The following ANKAR variants were observed in gnomAD, a reference collection of about 807,000 sequenced individuals.
ANKAR encodes ankyrin and armadillo repeat-containing protein.
ANKAR carries 136 observed loss-of-function variants against 146.2 expected under a neutral mutation model. The ratio of observed to expected loss-of-function variants is 0.93; its 90% confidence interval spans 0.81 to 1.07. ANKAR has a LOEUF of 1.07. ANKAR is among the 50% of genes least tolerant of loss of function. The pLI, the probability that ANKAR is intolerant of heterozygous loss-of-function variation, is 0.00. For synonymous variants in ANKAR, 500 were observed against 575.8 expected, an observed-to-expected ratio of 0.87 and a Z score of 1.88; for missense variants, 1,567 against 1,679.9, an observed-to-expected ratio of 0.93 and a Z score of 1.18.
chr2:189,762,880 G>C, downstream of ANKAR: 1 of 985,432 alleles, frequency 1.0e-6, no homozygotes, highest in South Asian at 4.7e-5. Context: ...CTTAAAGGCC[G>C]TCTTTGCCCA....
intron 12 of ANKAR, among the ~76,000 whole-genome samples, chr2:189,722,645 G>A (rs1242828725): frequency 6.6e-6 from 1 of 152,082 alleles, no homozygotes; most frequent in South Asian, 2.1e-4. Flanking sequence ...CACTTTGGGA[G>A]GCCAAGGCGG....
rs746751627 is a variant in ANKAR at position 189,676,632 on chromosome 2, A to C, written c.142A>C (p.Thr48Pro). 1.2e-6 allele frequency: 2 copies of C among 1,614,130 alleles called. No homozygotes were observed. The part of the protein sequence containing the change: ...YDRSEIQELL[T>P]TALVSWLSAK... ...TCGGAGTGAAATACAAGAGTTACTA[A>C]CTACTGCACTAGTTAGCTGGTTGTC... Residue 48 changes from threonine to proline, a missense_variant, in exon 2 of 23, where the codon ACT becomes CCT. Physicochemically the swap from Thr to Pro is conservative, Grantham distance 38. Coordinates refer to ENST00000684021, the MANE Select transcript of ANKAR (RefSeq NM_001378068.1).
chr2:189,750,315 C>T (rs1188097574), downstream of ANKAR, among the ~76,000 whole-genome samples: 1 of 152,082 alleles, frequency 6.6e-6, no homozygotes, highest in East Asian at 1.9e-4. Context: ...TCCTTTCTAC[C>T]TGCCAGCATC....
At chr2:189,755,535 C>T in intron 18 of ANKAR, 1 of 1,600,218 alleles carries the variant, frequency 6.2e-7, no homozygotes, top group Non-Finnish European at 8.5e-7. Flanking sequence ...AGCTGTTGAG[C>T]TGCTGGAGGA....
chr2:189,754,993 G>A, intron 18 of ANKAR: 2 of 680,988 alleles, frequency 2.9e-6, no homozygotes, highest in Non-Finnish European at 4.7e-6. Context: ...ATTAAGAAAG[G>A]CTAAGAATTA....
In ANKAR at chr2:189,730,517, T is replaced by G. The variant is rs2042311222; in HGVS notation, c.3216T>G (p.Pro1072=). 1 of 1,603,380 alleles carries G rather than the reference T, an allele frequency of 6.2e-7. No homozygotes were observed. Among genetic ancestry groups the G allele is most frequent in the African/African-American group, 1.3e-5 (1 of 74,322 alleles). ...CAGGTGTAGCCCATACAAGCAATCC[T>G]GTCAGTCAACAATTGGTTGTAGATG... is the stretch of plus-strand genomic sequence containing the variant. The part of the protein sequence containing the change: ...ICIGVAHTSN[P]VSQQLVVDEN... Residue 1072 remains proline (P), a synonymous_variant, in exon 16 of 23, where the codon CCT becomes CCG. Coordinates refer to ENST00000684021, the MANE Select transcript of ANKAR (RefSeq NM_001378068.1).
At chr2:189,700,328 A>G (rs774769374) in intron 7 of ANKAR, among the ~76,000 whole-genome samples, 1 of 152,114 alleles carries the variant, frequency 6.6e-6, no homozygotes, top group Non-Finnish European at 1.5e-5. Context: ...ACTTGGGTAT[A>G]ATTCTTATTT....
chr2:189,734,423 A>G (rs1389577257), intron 17 of ANKAR, among the ~76,000 whole-genome samples: 8 of 152,226 alleles, frequency 5.3e-5, no homozygotes. Flanking sequence ...GTTTCTTTTC[A>G]ATGTTTATTC....
chr2:189,688,523 G>T (rs940982765), intron 2 of ANKAR, among the ~76,000 whole-genome samples: 2 of 152,078 alleles, frequency 1.3e-5, no homozygotes, highest in South Asian at 2.1e-4. Flanking sequence ...GATATGGATT[G>T]CAATGAATCT....
chr2:189,758,351 G>A (rs779671723), intron 18 of ANKAR, among the ~76,000 whole-genome samples: 11 of 151,838 alleles, frequency 7.2e-5, no homozygotes, highest in Non-Finnish European at 1.5e-4. Flanking sequence ...ATTGCACTCT[G>A]GTCTGGGCAA....
At position 189,728,352 on chromosome 2, in the gene ANKAR, C is replaced by T; in HGVS notation, c.2963C>T (p.Ala988Val). Residue 988 changes from alanine (A) to valine (V), a missense_variant, in exon 14 of 23, where the codon GCA becomes GTA. Coordinates refer to ENST00000684021, the MANE Select transcript of ANKAR (RefSeq NM_001378068.1). The stretch of plus-strand genomic sequence containing the variant: ...ACACTAAAACAACAAAAATATATGG[C>T]AGAACAAATTGGATACAGCTTTATA... ...GQTLKQQKYM[A>V]EQIGYSFIIN... The T allele has an allele frequency of 6.2e-7, 1 of 1,613,298 alleles. No individual in the cohort carries two copies. Among genetic ancestry groups the T allele is most frequent in the Admixed American group, 1.7e-5 (1 of 59,910 alleles).
intron 10 of ANKAR, among the ~76,000 whole-genome samples, chr2:189,712,593 T>A (rs2039861006): frequency 6.6e-6 from 1 of 152,206 alleles, no homozygotes; most frequent in African/African-American, 2.4e-5. Context: ...AAAAAGGACA[T>A]CTACACCAAA....
At chr2:189,680,353 T>C (rs1240983363) in intron 2 of ANKAR, among the ~76,000 whole-genome samples, 1 of 152,178 alleles carries the variant, frequency 6.6e-6, no homozygotes, top group African/African-American at 2.4e-5. Context: ...TTAATCTAGT[T>C]AATGGTGAAT....
chr2:189,727,176 TACCAAAA>T (rs2041967143), intron 12 of ANKAR, among the ~76,000 whole-genome samples: 1 of 152,122 alleles, frequency 6.6e-6, no homozygotes, highest in African/African-American at 2.4e-5. Context: ...GAATCACCAG[TACCAAAA>T]ATACAAAACA....
At chr2:189,680,544 G>C (rs2034492202) in intron 2 of ANKAR, among the ~76,000 whole-genome samples, 1 of 151,566 alleles carries the variant, frequency 6.6e-6, no homozygotes, top group Non-Finnish European at 1.5e-5. Flanking sequence ...GTCTATTTGT[G>C]TTCTTTCAGA....
chr2:189,719,709 C>G lies in ANKAR; in HGVS notation c.2362C>G (p.Leu788Val). The change falls in exon 11 of 23, where the codon CTA becomes GTA. Residue 788 changes from leucine (L) to valine (V), a missense_variant. Transcript: ENST00000684021. The stretch of plus-strand genomic sequence containing the variant: ...GGTAGAAGCGGGAGGCATTCCATCT[C>G]TAATCAACCTACTGGTTTGTGATGA... The part of the protein sequence containing the change: ...ALVEAGGIPS[L>V]INLLVCDEPE... The G allele has an allele frequency of 1.2e-6, 2 of 1,614,164 alleles. No homozygotes were observed. The highest frequency in any genetic ancestry group is 1.7e-6 in the Non-Finnish European group (2 of 1,180,022).
intron 2 of ANKAR, among the ~76,000 whole-genome samples, chr2:189,689,325 G>A (rs1268489127): frequency 3.3e-5 from 5 of 152,098 alleles, no homozygotes; most frequent in African/African-American, 7.2e-5. Flanking sequence ...GTTTCTTTGG[G>A]GTCCCCTTGC....
intron 9 of ANKAR, among the ~76,000 whole-genome samples, chr2:189,709,409 C>T (rs550515129): frequency 2.0e-5 from 3 of 152,114 alleles, no homozygotes; most frequent in South Asian, 4.1e-4. Flanking sequence ...GAGTCCAAAC[C>T]GATTGTATAT....
intron 7 of ANKAR, 31 bp downstream of exon 7, chr2:189,696,400 G>A (rs1214567975): frequency 2.5e-6 from 4 of 1,587,780 alleles, no homozygotes; most frequent in African/African-American, 2.7e-5. Flanking sequence ...CTAAAATGTT[G>A]TTATTTTATT....
Sources: gnomAD v4.1 joint callset for allele counts (sites outside exome capture counted in the v4.1 genomes callset) on GRCh38, gnomAD v4.1.1 for gene constraint, MANE v1.5 for transcripts, NCBI Gene and HGNC (gene_info 2026-07-23, HGNC 2026-07-21) for gene names.